Variants in PRELID2 observed in about 807,000 individuals in gnomAD.
The protein encoded by PRELID2 is PRELI domain containing 2.
A neutral mutation model predicts 28.4 loss-of-function variants in PRELID2; 25 were observed. The observed-to-expected ratio is 0.88, with a 90% CI of 0.64 to 1.23. The LOEUF (loss-of-function observed/expected upper bound fraction) is 1.23. Ranked by LOEUF, PRELID2 falls within the 50% of genes most tolerant of loss-of-function variation. The pLI, the probability that PRELID2 is intolerant of heterozygous loss-of-function variation, is 0.00. For missense variants in PRELID2, 201 were observed against 214.4 expected (o/e 0.94, Z 0.39); for synonymous variants, 76 against 71.6 (o/e 1.06, Z -0.31).
rs756228005 is a variant in PRELID2 at position 145,759,514 on chromosome 5, T to C, written c.*1022A>G. ...GCTTCCATTTCCTGGACTTCTACTA[T>C]GTACTAGGCAGTGTGCTAGGTACTT... On this transcript the variant is annotated 3_prime_UTR_variant, in exon 7 of 7. Coordinates refer to ENST00000683046, the MANE Select transcript of PRELID2 (RefSeq NM_205846.3). 1 of 152,244 alleles carries C rather than the reference T, an allele frequency of 6.6e-6. No individual in the cohort carries two copies. Among genetic ancestry groups the C allele is most frequent in the African/African-American group, 2.4e-5 (1 of 41,462 alleles). 9.4% of individuals were successfully genotyped at this position (152,244 alleles called of 1,614,324 possible).
intron 1 of PRELID2, among the ~76,000 whole-genome samples, chr5:145,540,981 T>C (rs1294283635): frequency 6.6e-6 from 1 of 151,942 alleles, no homozygotes; most frequent in Non-Finnish European, 1.5e-5. Context: ...AATAAAACAA[T>C]ACTTGGGACA....
At chr5:145,781,627 A>G (rs1023922094) in intron 5 of PRELID2, among the ~76,000 whole-genome samples, 4 of 137,270 alleles carry the variant, frequency 2.9e-5, no homozygotes, top group African/African-American at 1.2e-4. Flanking sequence ...TATATACTAT[A>G]TATATACACA....
At chr5:145,736,835 A>G (rs1248815628) in intron 1 of PRELID2, among the ~76,000 whole-genome samples, 1 of 152,228 alleles carries the variant, frequency 6.6e-6, no homozygotes, top group East Asian at 1.9e-4. Context: ...TGTGGACAAG[A>G]TGAATAAACA....
At chr5:145,331,213 A>G in the PRELID2 span, among the ~76,000 whole-genome samples, 2 of 152,178 alleles carry the variant, frequency 1.3e-5, no homozygotes, top group Non-Finnish European at 2.9e-5. Flanking sequence ...CAATTTTACA[A>G]TAAGTGTGAT....
At chr5:145,477,801 T>C (rs1228334218) in intron 1 of PRELID2, among the ~76,000 whole-genome samples, 3 of 151,640 alleles carry the variant, frequency 2.0e-5, no homozygotes, top group Admixed American at 6.6e-5. Flanking sequence ...GTGGCATGTA[T>C]AAATACCTTT....
At chr5:145,800,340 T>A (rs1165164029) in intron 4 of PRELID2, among the ~76,000 whole-genome samples, 3 of 142,778 alleles carry the variant, frequency 2.1e-5, no homozygotes, top group African/African-American at 7.8e-5. Context: ...ACACACGAGT[T>A]ATCCCATCCA....
intron 6 of PRELID2, among the ~76,000 whole-genome samples, chr5:145,763,069 G>T (rs1757549225): frequency 6.6e-6 from 1 of 152,238 alleles, no homozygotes; most frequent in Non-Finnish European, 1.5e-5. Context: ...TCCTCCAGAT[G>T]ACTCTGATGC....
chr5:145,667,522 C>T (rs1392691510), intron 1 of PRELID2, among the ~76,000 whole-genome samples: 1 of 152,004 alleles, frequency 6.6e-6, no homozygotes, highest in Non-Finnish European at 1.5e-5. Context: ...AAATAACTTG[C>T]CTAGGATTGC....
chr5:145,361,690 C>T, the PRELID2 span, among the ~76,000 whole-genome samples: 1 of 152,240 alleles, frequency 6.6e-6, no homozygotes, highest in Middle Eastern at 3.4e-3. Flanking sequence ...TTTCCTTTGT[C>T]CAACATTTAA....
At chr5:145,486,228 T>C (rs1003894658) in intron 1 of PRELID2, among the ~76,000 whole-genome samples, 1 of 152,156 alleles carries the variant, frequency 6.6e-6, no homozygotes, top group Non-Finnish European at 1.5e-5. Flanking sequence ...TTTCCATAAA[T>C]GTCTGTCATT....
chr5:145,741,502 AATTT>A (rs1470294750), intron 1 of PRELID2, among the ~76,000 whole-genome samples: 1 of 122,118 alleles, frequency 8.2e-6, no homozygotes, highest in Admixed American at 8.8e-5. Context: ...TTATATATAA[AATTT>A]ATTTATAAAT....
intron 1 of PRELID2, among the ~76,000 whole-genome samples, chr5:145,606,470 C>G (rs1261906802): frequency 6.6e-6 from 1 of 151,970 alleles, no homozygotes; most frequent in African/African-American, 2.4e-5. Flanking sequence ...GAAGGTTTTT[C>G]ACATGAAGGG....
intron 1 of PRELID2, among the ~76,000 whole-genome samples, chr5:145,663,817 A>G (rs1248569261): frequency 6.6e-6 from 1 of 152,088 alleles, no homozygotes; most frequent in Non-Finnish European, 1.5e-5. Context: ...CCCAATGCAT[A>G]GTGTTATTCC....
intron 1 of PRELID2, among the ~76,000 whole-genome samples, chr5:145,707,297 C>G (rs1755573689): frequency 6.6e-6 from 1 of 152,142 alleles, no homozygotes; most frequent in African/African-American, 2.4e-5. Flanking sequence ...CACTCTCCCT[C>G]TTGATTTTGT....
In PRELID2 at chr5:145,819,288, T is replaced by C; in HGVS notation, c.207+657A>G. On this transcript the variant is annotated intron_variant, in intron 3 of 6. Transcript: ENST00000683046. ...GACCTGTTTAAAGGGCATATCCAGATGCTTTCCTCTGACTTCCTCATAGCT... is the reference window on the plus strand; with the variant it reads ...GACCTGTTTAAAGGGCATATCCAGACGCTTTCCTCTGACTTCCTCATAGCT... The C allele has an allele frequency of 3.6e-6, 3 of 841,602 alleles. 1 individual carries two copies. In the South Asian group the frequency reaches 4.1e-5, roughly 12 times the overall value. 52.1% of individuals were successfully genotyped at this position (841,602 alleles called of 1,614,324 possible). A position where few individuals can be genotyped will look rare whatever the true frequency, so the allele number is the denominator to read the frequency against.
intron 1 of PRELID2, among the ~76,000 whole-genome samples, chr5:145,608,015 T>C (rs1290546356): frequency 1.3e-5 from 2 of 151,880 alleles, no homozygotes; most frequent in Non-Finnish European, 2.9e-5. Flanking sequence ...CTTTGTCTTT[T>C]TCCATCGTTG....
At chr5:145,385,973 G>A in the PRELID2 span, among the ~76,000 whole-genome samples, 1 of 151,998 alleles carries the variant, frequency 6.6e-6, no homozygotes, top group African/African-American at 2.4e-5. Context: ...TGTCAAGGGA[G>A]GGACAACGTG....
intron 5 of PRELID2, among the ~76,000 whole-genome samples, chr5:145,785,777 G>A (rs1390961033): frequency 6.6e-6 from 1 of 152,196 alleles, no homozygotes; most frequent in African/African-American, 2.4e-5. Context: ...CCATCCTTGT[G>A]CCATCAGGGT....
intron 1 of PRELID2, among the ~76,000 whole-genome samples, chr5:145,833,288 G>A (rs1367658773): frequency 1.3e-5 from 2 of 152,196 alleles, no homozygotes; most frequent in East Asian, 1.9e-4. Flanking sequence ...ACTGCAGACG[G>A]TCAGCAACGC....
Sources: allele counts gnomAD v4.1 joint callset (sites outside exome capture counted in the v4.1 genomes callset), GRCh38; gene constraint gnomAD v4.1.1; transcripts MANE v1.5; gene names NCBI Gene and HGNC (gene_info 2026-07-23, HGNC 2026-07-21).